The following CNTN5 variants were observed in gnomAD, a reference collection of about 807,000 sequenced individuals.
CNTN5 encodes the protein contactin 5, also known as contactin-5.
A neutral mutation model predicts 129.1 loss-of-function variants in CNTN5; 77 were observed. The observed-to-expected ratio is 0.60, with a 90% CI of 0.50 to 0.72. The LOEUF is 0.72. CNTN5 is among the 30% of genes least tolerant of loss of function. CNTN5 has a pLI of 0.00. For missense variants in CNTN5, 1,478 were observed against 1,328.8 expected, an observed-to-expected ratio of 1.11 and a Z score of -1.75; for synonymous variants, 509 against 465.6, an observed-to-expected ratio of 1.09 and a Z score of -1.20.
chr11:99,160,479 C>T (rs569242622), intron 1 of CNTN5, among the ~76,000 whole-genome samples: 6 of 152,238 alleles, frequency 3.9e-5, no homozygotes, highest in Middle Eastern at 3.4e-3. Context: ...CACTAGTCTC[C>T]AATTTTTACA....
At position 99,690,128 on chromosome 11, in the gene CNTN5, A is replaced by C. The variant is rs556839116; in HGVS notation, c.56-129416A>C. Among the ~76,000 whole-genome samples the C allele has an allele frequency of 7.9e-5, 12 of 152,098 alleles. No homozygotes were observed. In the East Asian group the frequency reaches 1.4e-3, roughly 17 times the overall value. On this transcript the variant is annotated intron_variant, in intron 3 of 24. Coordinates refer to ENST00000524871, the MANE Select transcript of CNTN5 (RefSeq NM_014361.4). ...GTATATGGTGTAAGGAAGGGGTCCAATTTCAATTTTCTGCATATGGCTAGC... is the reference window on the plus strand; with the variant it reads ...GTATATGGTGTAAGGAAGGGGTCCACTTTCAATTTTCTGCATATGGCTAGC...
intron 13 of CNTN5, among the ~76,000 whole-genome samples, chr11:100,096,913 G>A (rs1945030191): frequency 6.6e-6 from 1 of 152,106 alleles, no homozygotes; most frequent in Non-Finnish European, 1.5e-5. Flanking sequence ...AGCTACTAAT[G>A]TAATCCCAGT....
At chr11:99,275,106 T>C (rs1863364097) in intron 1 of CNTN5, among the ~76,000 whole-genome samples, 1 of 151,276 alleles carries the variant, frequency 6.6e-6, no homozygotes, top group Non-Finnish European at 1.5e-5. Flanking sequence ...TTTACTTATA[T>C]ATAATGAATA....
chr11:99,976,138 A>C (rs1055900400), intron 8 of CNTN5, among the ~76,000 whole-genome samples: 1 of 152,216 alleles, frequency 6.6e-6, no homozygotes, highest in Non-Finnish European at 1.5e-5. Context: ...AAGCTCCAAA[A>C]TAATCTCCAT....
intron 9 of CNTN5, among the ~76,000 whole-genome samples, chr11:100,057,999 G>A (rs1048029007): frequency 6.6e-6 from 1 of 152,044 alleles, no homozygotes; most frequent in Non-Finnish European, 1.5e-5. Flanking sequence ...GTTACTTGTA[G>A]TTGCAGAGCT....
At chr11:99,599,131 T>G (rs911346398) in intron 3 of CNTN5, among the ~76,000 whole-genome samples, 1 of 152,070 alleles carries the variant, frequency 6.6e-6, no homozygotes, top group Non-Finnish European at 1.5e-5. Context: ...CCTCATAATA[T>G]ACACTGTGTC....
intron 4 of CNTN5, among the ~76,000 whole-genome samples, chr11:99,831,280 C>T (rs775198449): frequency 1.3e-5 from 2 of 152,110 alleles, no homozygotes; most frequent in African/African-American, 2.4e-5. Context: ...TTTCTGCATC[C>T]TCCTGGTTGT....
intron 6 of CNTN5, among the ~76,000 whole-genome samples, chr11:99,889,159 G>T (rs1342280069): frequency 6.6e-6 from 1 of 152,054 alleles, no homozygotes; most frequent in Non-Finnish European, 1.5e-5. Context: ...AATAGATATT[G>T]TCTAAAATGT....
At chr11:99,272,093 T>C (rs1440365986) in intron 1 of CNTN5, among the ~76,000 whole-genome samples, 1 of 151,876 alleles carries the variant, frequency 6.6e-6, no homozygotes, top group African/African-American at 2.4e-5. Flanking sequence ...CTTTATGATA[T>C]AAGGGTTTTA....
At chr11:99,493,386 G>A (rs112090159) in intron 2 of CNTN5, among the ~76,000 whole-genome samples, 5 of 152,258 alleles carry the variant, frequency 3.3e-5, no homozygotes, top group African/African-American at 9.6e-5. Context: ...TGCACCCAAC[G>A]AACAACTCCA....
chr11:100,141,777 A>G (rs1418918802), intron 13 of CNTN5, among the ~76,000 whole-genome samples: 1 of 152,106 alleles, frequency 6.6e-6, no homozygotes, highest in Non-Finnish European at 1.5e-5. Context: ...AATTTATGGT[A>G]AGCTGAAAAT....
chr11:99,074,151 T>A (rs191362380), intron 1 of CNTN5, among the ~76,000 whole-genome samples: 313 of 152,348 alleles, frequency 2.1e-3, no homozygotes, highest in Admixed American at 5.4e-3. Flanking sequence ...TTTTTTCATA[T>A]GTTTTTTGGC....
At chr11:99,682,178 A>G (rs1364395093) in intron 3 of CNTN5, among the ~76,000 whole-genome samples, 1 of 152,098 alleles carries the variant, frequency 6.6e-6, no homozygotes, top group African/African-American at 2.4e-5. Context: ...AAGGGAATTG[A>G]TGATTAGCAT....
At chr11:100,305,510 C>A (rs1591498138) in intron 20 of CNTN5, among the ~76,000 whole-genome samples, 3 of 151,760 alleles carry the variant, frequency 2.0e-5, no homozygotes, top group Admixed American at 2.0e-4. Context: ...TAATCTAACA[C>A]ATGATGTAGA....
intron 1 of CNTN5, among the ~76,000 whole-genome samples, chr11:99,191,677 CA>C (rs544121753): frequency 1.3e-4 from 20 of 151,570 alleles, no homozygotes; most frequent in Non-Finnish European, 2.7e-4. Flanking sequence ...AGAAAATTCA[CA>C]AATACATCAC....
chr11:99,229,425 T>A (rs1860868082), intron 1 of CNTN5, among the ~76,000 whole-genome samples: 1 of 151,778 alleles, frequency 6.6e-6, no homozygotes, highest in Non-Finnish European at 1.5e-5. Flanking sequence ...TTTATTGCCT[T>A]ACTTAATTGG....
intron 2 of CNTN5, among the ~76,000 whole-genome samples, chr11:99,463,476 G>A (rs1944813038): frequency 1.4e-5 from 2 of 145,196 alleles, no homozygotes; most frequent in African/African-American, 5.1e-5. Flanking sequence ...AAGAATGAAT[G>A]AAAAATCCAA....
chr11:99,807,576 C>T (rs1468621581), intron 3 of CNTN5, among the ~76,000 whole-genome samples: 1 of 152,032 alleles, frequency 6.6e-6, no homozygotes, highest in Non-Finnish European at 1.5e-5. Context: ...AGTGCAGTGA[C>T]CTGATCTTGG....
intron 21 of CNTN5, among the ~76,000 whole-genome samples, chr11:100,333,170 C>G (rs1951943488): frequency 6.6e-6 from 1 of 151,954 alleles, no homozygotes; most frequent in African/African-American, 2.4e-5. Flanking sequence ...GAGCTCAATG[C>G]CTTTTACAAT....
Sources: gnomAD v4.1 joint callset for allele counts (sites outside exome capture counted in the v4.1 genomes callset) on GRCh38, gnomAD v4.1.1 for gene constraint, MANE v1.5 for transcripts, NCBI Gene and HGNC (gene_info 2026-07-23, HGNC 2026-07-21) for gene names.